The following LIPH variants were observed in gnomAD, a reference collection of about 807,000 sequenced individuals.
LIPH encodes lipase H, also known as lipase member H.
A neutral mutation model predicts 47.6 loss-of-function variants in LIPH; 32 were observed. The observed-to-expected ratio is 0.67, with a 90% CI of 0.51 to 0.90. The LOEUF (loss-of-function observed/expected upper bound fraction) is 0.90, where lower values mean the gene tolerates loss of function less well. Ranked by LOEUF, LIPH falls within the 40% of genes least tolerant of loss-of-function variation. LIPH has a pLI of 0.00. For missense variants in LIPH, 497 were observed against 541.4 expected (o/e 0.92, Z 0.81); for synonymous variants, 190 against 195.6 (o/e 0.97, Z 0.24).
At chr3:185,540,317 T>C (rs1720662540) in intron 1 of LIPH, among the ~76,000 whole-genome samples, 1 of 152,200 alleles carries the variant, frequency 6.6e-6, no homozygotes, top group Middle Eastern at 3.2e-3. Context: ...CTCATGTTTT[T>C]TGTTTTTGTT....
chr3:185,545,716 A>G (rs1045030894), intron 1 of LIPH, among the ~76,000 whole-genome samples: 3 of 152,008 alleles, frequency 2.0e-5, no homozygotes, highest in Non-Finnish European at 4.4e-5. Flanking sequence ...TCCATAAAAC[A>G]AAAAAACAAA....
intron 7 of LIPH, among the ~76,000 whole-genome samples, chr3:185,516,144 T>C (rs1719723665): frequency 6.7e-6 from 1 of 149,994 alleles, no homozygotes; most frequent in African/African-American, 2.5e-5. Flanking sequence ...AAAAAAAAAT[T>C]AACATAGCCT....
At chr3:185,544,909 T>A (rs1441801090) in intron 1 of LIPH, among the ~76,000 whole-genome samples, 1 of 145,974 alleles carries the variant, frequency 6.9e-6, no homozygotes, top group Non-Finnish European at 1.5e-5. Flanking sequence ...GGATTACAGG[T>A]GCAAGCCACC....
At chr3:185,543,841 T>C (rs1720787012) in intron 1 of LIPH, among the ~76,000 whole-genome samples, 1 of 137,914 alleles carries the variant, frequency 7.3e-6, no homozygotes. Flanking sequence ...GGTGACTGGC[T>C]CTTGCTTTTT....
chr3:185,534,459 A>G (rs1720439007), intron 2 of LIPH, among the ~76,000 whole-genome samples: 1 of 152,182 alleles, frequency 6.6e-6, no homozygotes, highest in African/African-American at 2.4e-5. Flanking sequence ...CTAGAAAAAA[A>G]TGCCCCTTCC....
intron 8 of LIPH, 110 bp downstream of exon 8, chr3:185,514,300 G>T: frequency 1.4e-6 from 1 of 714,998 alleles, no homozygotes; most frequent in Non-Finnish European, 2.6e-6. Context: ...ATCTTTTATA[G>T]AACAAGGAAA....
In LIPH at chr3:185,536,118, C is replaced by T. The variant is rs150854839; in HGVS notation, c.50-986G>A. On this transcript the variant is annotated intron_variant, in intron 1 of 9. Transcript: ENST00000296252. The stretch of plus-strand genomic sequence containing the variant: ...TGACGACACAATGAAAACCCACTTT[C>T]AGGCACACATTATAGATATCTATGT... Among the ~76,000 whole-genome samples the T allele has an allele frequency of 1.2e-3, 187 of 152,316 alleles. 1 individual carries two copies. The highest frequency in any genetic ancestry group is 2.3e-3 in the Non-Finnish European group (157 of 68,038).
At chr3:185,536,976 CG>C (rs959433986) in intron 1 of LIPH, among the ~76,000 whole-genome samples, 1 of 152,126 alleles carries the variant, frequency 6.6e-6, no homozygotes, top group Non-Finnish European at 1.5e-5. Flanking sequence ...ACTTCATCTC[CG>C]GGATTCAAGC....
rs538047497 is a variant in LIPH, at chr3:185,547,226, A to G, written c.49+5197T>C. Among the ~76,000 whole-genome samples, 15 of 152,274 alleles carry G rather than the reference A, an allele frequency of 9.9e-5. No homozygotes were observed. The South Asian group carries it at 2.7e-3, about 27-fold the overall frequency. ...CTTTGGTCCACTGACCTCCAAACCT[A>G]CATTACAGAAGTGAAATTCTGTAGG... is the stretch of plus-strand genomic sequence containing the variant. On this transcript the variant is annotated intron_variant, in intron 1 of 9. Transcript: ENST00000296252.
chr3:185,538,894 T>TATATACAC (rs1215253506), intron 1 of LIPH, among the ~76,000 whole-genome samples: 5 of 59,236 alleles, frequency 8.4e-5, no homozygotes, highest in Middle Eastern at 0.018. Context: ...CATATATACG[T>TATATACAC]ATATACACAT....
At chr3:185,529,960 AAGAAGGAAAGAAAGAAAGAG>A (rs1720272712) in intron 3 of LIPH, among the ~76,000 whole-genome samples, 7 of 60,856 alleles carry the variant, frequency 1.2e-4, no homozygotes, top group Non-Finnish European at 2.8e-4. Flanking sequence ...GAAAGAAAGA[AAGAAGGAAAGAAAGAAAGAG>A]AGAGAGAGAG....
rs541308897 is a variant in LIPH at position 185,508,297 on chromosome 3, C to T, written c.*493G>A. 1 of 166,864 alleles carries T rather than the reference C, an allele frequency of 6.0e-6. No individual in the cohort carries two copies. The highest frequency in any genetic ancestry group is 1.5e-4 in the South Asian group (1 of 6,498). 10.3% of individuals were successfully genotyped at this position (166,864 alleles called of 1,614,324 possible). On this transcript the variant is annotated 3_prime_UTR_variant, in exon 10 of 10. Transcript: ENST00000296252. ...TGGCACCTATGGGATTTCAAAAAAC[C>T]CTTCATAGATTTTTGCCTCCCAAAC...
chr3:185,519,380 A>G (rs1399265628), intron 5 of LIPH, 71 bp from the exon 6 acceptor site: 37 of 911,104 alleles, frequency 4.1e-5, no homozygotes, highest in South Asian at 2.7e-4. Flanking sequence ...CACATATTCT[A>G]TACACACACA....
At chr3:185,514,119 G>A (rs1719652544) in intron 8 of LIPH, among the ~76,000 whole-genome samples, 1 of 152,028 alleles carries the variant, frequency 6.6e-6, no homozygotes, top group Admixed American at 6.6e-5. Flanking sequence ...AGGAGGAGAG[G>A]AACAAAGGGA....
In LIPH at chr3:185,548,907, G is replaced by A. The variant is rs1720968324; in HGVS notation, c.49+3516C>T. Among the ~76,000 whole-genome samples, 6 of 152,040 alleles carry A rather than the reference G, an allele frequency of 3.9e-5. No individual in the cohort carries two copies. The South Asian group carries it at 1.2e-3, about 32-fold the overall frequency. On this transcript the variant is annotated intron_variant, in intron 1 of 9. Transcript: ENST00000296252. ...ACAGCACTTTGGGAGGCCGAGGCAG[G>A]GGGATCACGAGGTCAAGAGTTCAAG...
At chr3:185,525,238 A>T (rs1026529336) in intron 4 of LIPH, among the ~76,000 whole-genome samples, 2 of 152,138 alleles carry the variant, frequency 1.3e-5, no homozygotes, top group African/African-American at 2.4e-5. Flanking sequence ...AAACATTTTT[A>T]AAAGTATATA....
Position 185,531,955 on chromosome 3 carries a change from T to A in LIPH, c.526+1616A>T, listed in dbSNP as rs547281681. On this transcript the variant is annotated intron_variant, in intron 3 of 9. Coordinates refer to ENST00000296252, the MANE Select transcript of LIPH (RefSeq NM_139248.3). ...CCTAGACTCAAGCGATTCTTCTGCG[T>A]TGGCCTCCCAAAGTGCTGGGATTAC... is the stretch of plus-strand genomic sequence containing the variant. Among the ~76,000 whole-genome samples the A allele has an allele frequency of 2.0e-5, 3 of 152,244 alleles. No individual in the cohort carries two copies. The East Asian group carries it at 5.8e-4, about 30-fold the overall frequency.
intron 2 of LIPH, 142 bp downstream of exon 2, chr3:185,534,623 C>T (rs1720442770): frequency 1.3e-6 from 1 of 783,236 alleles, no homozygotes; most frequent in East Asian, 2.6e-5. Flanking sequence ...GCCCCTCATC[C>T]CACCTTCCCT....
At chr3:185,522,658 G>GAA (rs879833465) in intron 5 of LIPH, among the ~76,000 whole-genome samples, 259 of 23,706 alleles carry the variant, frequency 0.011, no homozygotes, top group African/African-American at 0.048. Context: ...GAAAAAGAAA[G>GAA]AAAGAAAGAA....
Sources: gnomAD v4.1 joint callset for allele counts (sites outside exome capture counted in the v4.1 genomes callset) on GRCh38, gnomAD v4.1.1 for gene constraint, MANE v1.5 for transcripts, NCBI Gene and HGNC (gene_info 2026-07-23, HGNC 2026-07-21) for gene names.